Variants in RBM6 observed in about 807,000 individuals in gnomAD.
The protein encoded by RBM6 is RNA binding motif protein 6, also known as RNA-binding protein 6.
RBM6 carries 23 observed loss-of-function variants against 140.4 expected under a neutral mutation model. The ratio of observed to expected loss-of-function variants is 0.16; its 90% CI spans 0.12 to 0.23. The LOEUF (loss-of-function observed/expected upper bound fraction) is 0.23. Among genes scored for constraint, RBM6 ranks in the 10% least tolerant of loss-of-function variants. The pLI is 1.00. For missense variants in RBM6, 1,139 were observed against 1,386.7 expected (o/e 0.82, Z 2.84); for synonymous variants, 439 against 475.6 (o/e 0.92, Z 1.00).
intron 16 of RBM6, among the ~76,000 whole-genome samples, chr3:50,065,417 G>A (rs781577132): frequency 1.1e-4 from 17 of 152,180 alleles, no homozygotes; most frequent in Non-Finnish European, 2.4e-4. Flanking sequence ...GTTCTTGTCA[G>A]TTCTCTAAAT....
intron 7 of RBM6, among the ~76,000 whole-genome samples, chr3:50,049,405 C>T (rs1207233460): frequency 2.0e-5 from 3 of 152,108 alleles, no homozygotes; most frequent in Non-Finnish European, 4.4e-5. Context: ...CCACGGCACC[C>T]AGCCGGCTAT....
At chr3:49,964,725 A>G (rs1040226638) in intron 2 of RBM6, among the ~76,000 whole-genome samples, 4 of 152,214 alleles carry the variant, frequency 2.6e-5, no homozygotes, top group African/African-American at 4.8e-5. Context: ...ACTTGTATTT[A>G]TGGGTAACTA....
intron 6 of RBM6, among the ~76,000 whole-genome samples, chr3:50,037,379 C>T (rs2088607690): frequency 6.6e-6 from 1 of 152,110 alleles, no homozygotes; most frequent in African/African-American, 2.4e-5. Flanking sequence ...GCACTCTAGC[C>T]TGAGTGACAG....
chr3:50,008,143 C>T (rs1039163432), intron 6 of RBM6, among the ~76,000 whole-genome samples: 2 of 152,156 alleles, frequency 1.3e-5, no homozygotes, highest in African/African-American at 4.8e-5. Context: ...TTATTTGCCA[C>T]ATCTCAGGCT....
chr3:49,956,326 C>G (rs1221261746), intron 1 of RBM6, among the ~76,000 whole-genome samples: 6 of 145,880 alleles, frequency 4.1e-5, no homozygotes, highest in African/African-American at 1.3e-4. Context: ...CCCCCTCCCC[C>G]GCTTTTTTTT....
chr3:50,049,852 T>C (rs1051831509), intron 7 of RBM6, among the ~76,000 whole-genome samples: 4 of 151,290 alleles, frequency 2.6e-5, no homozygotes, highest in Non-Finnish European at 5.9e-5. Context: ...AGAACTTCTT[T>C]TTTTTTTTTT....
intron 6 of RBM6, among the ~76,000 whole-genome samples, chr3:50,024,734 A>G (rs2087703258): frequency 6.6e-6 from 1 of 152,140 alleles, no homozygotes; most frequent in Non-Finnish European, 1.5e-5. Context: ...CGTGCAGATT[A>G]CGAGGTCAGG....
At chr3:49,979,926 G>A (rs1208139396) in intron 5 of RBM6, among the ~76,000 whole-genome samples, 2 of 152,098 alleles carry the variant, frequency 1.3e-5, no homozygotes, top group African/African-American at 4.8e-5. Context: ...TCTATATCTT[G>A]ATTGTGGTGA....
Position 49,983,299 on chromosome 3 carries a change from T to C in RBM6, c.1483+7907T>C, listed in dbSNP as rs758671875. Among the ~76,000 whole-genome samples, 71 of 152,262 alleles carry C rather than the reference T, an allele frequency of 4.7e-4. 1 individual carries two copies. The highest frequency in any genetic ancestry group is 3.4e-3 in the Middle Eastern group (1 of 294). ...CTTTCAATGTAGGGATAGAAATCCA[T>C]TGTGAAACTCGAGAATTGACACTGA... On this transcript the variant is annotated intron_variant, in intron 5 of 20. Coordinates refer to ENST00000266022, the MANE Select transcript of RBM6 (RefSeq NM_005777.3).
intron 5 of RBM6, among the ~76,000 whole-genome samples, chr3:49,989,175 CTTTG>C (rs1350955999): frequency 1.3e-5 from 2 of 152,122 alleles, no homozygotes; most frequent in South Asian, 2.1e-4. Context: ...AACTTCCTGC[CTTTG>C]TTTGTCTGAA....
At chr3:50,026,901 C>CAAAAA (rs139771207) in intron 6 of RBM6, among the ~76,000 whole-genome samples, 10 of 119,550 alleles carry the variant, frequency 8.4e-5, no homozygotes, top group South Asian at 2.3e-4. Context: ...CTTGTCTCAC[C>CAAAAA]AAAAAAAAAA....
intron 6 of RBM6, among the ~76,000 whole-genome samples, chr3:50,022,673 G>A (rs2087564246): frequency 6.6e-6 from 1 of 152,034 alleles, no homozygotes; most frequent in Non-Finnish European, 1.5e-5. Context: ...AGGCAGAATA[G>A]TTTTACATTT....
chr3:50,036,187 G>A (rs578172870), intron 6 of RBM6, among the ~76,000 whole-genome samples: 6 of 152,288 alleles, frequency 3.9e-5, no homozygotes, highest in South Asian at 2.1e-4. Flanking sequence ...GAGCCACTGC[G>A]CCCAGCAGGG....
intron 1 of RBM6, among the ~76,000 whole-genome samples, chr3:49,945,931 T>C (rs2083467418): frequency 6.9e-6 from 1 of 145,146 alleles, no homozygotes; most frequent in South Asian, 2.3e-4. Context: ...GAGACCTTAA[T>C]CCAGCAGGAC....
At chr3:50,054,476 TATC>T (rs910542297) in intron 8 of RBM6, 81 bp downstream of exon 8, 19 of 1,266,576 alleles carry the variant, frequency 1.5e-5, no homozygotes, top group Admixed American at 5.2e-5. Flanking sequence ...TTTGAAGAAT[TATC>T]ATCCCTAAAT....
chr3:50,061,362 T>A, intron 13 of RBM6, 100 bp from the exon 14 acceptor site: 1 of 1,579,990 alleles, frequency 6.3e-7, no homozygotes, highest in Non-Finnish European at 8.6e-7. Context: ...TAGATGCACC[T>A]ATTTGTGTTG....
chr3:50,024,940 G>A (rs1276215038), intron 6 of RBM6, among the ~76,000 whole-genome samples: 1 of 151,528 alleles, frequency 6.6e-6, no homozygotes, highest in Non-Finnish European at 1.5e-5. Flanking sequence ...GCAGTGAGCC[G>A]AGATTGCGCC....
chr3:49,966,074 C>T (rs1335023693), intron 2 of RBM6, among the ~76,000 whole-genome samples: 11 of 152,038 alleles, frequency 7.2e-5, no homozygotes, highest in Non-Finnish European at 1.2e-4. Context: ...TGCAGTGAAC[C>T]GAGATCATGC....
In RBM6 at chr3:50,071,811, CGTG is replaced by C. The variant is rs2090306998; in HGVS notation, c.3116+1264_3116+1266del. Among the ~76,000 whole-genome samples the C allele has an allele frequency of 2.6e-5, 4 of 151,842 alleles. No individual in the cohort carries two copies. In the South Asian group the frequency reaches 8.3e-4, roughly 32 times the overall value. On this transcript the variant is annotated intron_variant, in intron 19 of 20. Coordinates refer to ENST00000266022, the MANE Select transcript of RBM6 (RefSeq NM_005777.3). The stretch of plus-strand genomic sequence containing the variant: ...TTGAAAAGGAAAAATGGGGGCCAGG[CGTG>C]GTGGCTTACGCCTGTAATCCCAGCA...
Sources: allele counts gnomAD v4.1 joint callset (sites outside exome capture counted in the v4.1 genomes callset), GRCh38; gene constraint gnomAD v4.1.1; transcripts MANE v1.5; gene names NCBI Gene and HGNC (gene_info 2026-07-23, HGNC 2026-07-21).